The following CNTN4 variants were observed in gnomAD, a reference collection of about 807,000 sequenced individuals.
CNTN4 encodes contactin 4.
CNTN4 carries 77 observed loss-of-function variants against 122.5 expected under a neutral mutation model. The ratio of observed to expected loss-of-function variants is 0.63; its 90% CI spans 0.52 to 0.76. The LOEUF is 0.76. Among genes scored for constraint, CNTN4 ranks in the 30% least tolerant of loss-of-function variants. The probability of loss-of-function intolerance (pLI) is 0.00; values close to 1 mark genes in which losing one functional copy is unlikely to be tolerated. For synonymous variants in CNTN4, 512 were observed against 447.0 expected (o/e 1.15, Z -1.83); for missense variants, 1,256 against 1,259.1 (o/e 1.00, Z 0.04).
intron 4 of CNTN4, among the ~76,000 whole-genome samples, chr3:2,732,394 C>T (rs79926454): frequency 1.2e-4 from 18 of 151,994 alleles, no homozygotes; most frequent in African/African-American, 3.1e-4. Flanking sequence ...AACTCGGAGA[C>T]GCATTGTATT....
intron 4 of CNTN4, among the ~76,000 whole-genome samples, chr3:2,681,539 A>G (rs2085166067): frequency 6.6e-6 from 1 of 152,106 alleles, no homozygotes; most frequent in Non-Finnish European, 1.5e-5. Context: ...TGCCTGAATT[A>G]CGTATCTTTC....
At chr3:2,460,870 A>G (rs2049179058) in intron 3 of CNTN4, among the ~76,000 whole-genome samples, 1 of 147,012 alleles carries the variant, frequency 6.8e-6, no homozygotes, top group Non-Finnish European at 1.5e-5. Flanking sequence ...ATCACTGGAA[A>G]TAGTAGCAGT....
intron 7 of CNTN4, among the ~76,000 whole-genome samples, chr3:2,824,943 G>A (rs556472767): frequency 3.3e-5 from 5 of 152,202 alleles, no homozygotes; most frequent in South Asian, 2.1e-4. Context: ...GATTACAGGC[G>A]TGAGCCACTG....
intron 2 of CNTN4, among the ~76,000 whole-genome samples, chr3:2,179,568 C>T (rs1418321512): frequency 6.6e-6 from 1 of 151,918 alleles, no homozygotes; most frequent in Non-Finnish European, 1.5e-5. Flanking sequence ...TTTTCATGTC[C>T]AACACCGCCA....
chr3:2,141,418 A>G (rs1340965802), intron 2 of CNTN4, among the ~76,000 whole-genome samples: 1 of 152,170 alleles, frequency 6.6e-6, no homozygotes, highest in African/African-American at 2.4e-5. Context: ...GTCCCTAGAA[A>G]CTGGAAAAGC....
intron 2 of CNTN4, among the ~76,000 whole-genome samples, chr3:2,296,248 A>G (rs1043708294): frequency 1.3e-5 from 2 of 152,112 alleles, no homozygotes; most frequent in African/African-American, 4.8e-5. Flanking sequence ...GATGGCGTTG[A>G]ATCTATAAAT....
chr3:3,046,423 G>A (rs555882233), intron 23 of CNTN4, among the ~76,000 whole-genome samples: 25 of 152,278 alleles, frequency 1.6e-4, no homozygotes, highest in African/African-American at 5.1e-4. Flanking sequence ...GACTAATAGC[G>A]GATCTCTTGG....
At chr3:2,921,007 G>A (rs2094424257) in intron 12 of CNTN4, among the ~76,000 whole-genome samples, 1 of 152,146 alleles carries the variant, frequency 6.6e-6, no homozygotes, top group Non-Finnish European at 1.5e-5. Context: ...TGTGTTGAGA[G>A]TCTCCTTGTG....
intron 4 of CNTN4, among the ~76,000 whole-genome samples, chr3:2,653,466 C>G (rs1237838699): frequency 2.0e-5 from 3 of 152,108 alleles, no homozygotes; most frequent in Non-Finnish European, 4.4e-5. Flanking sequence ...AACTGACATT[C>G]AGAAAGGAGA....
intron 3 of CNTN4, among the ~76,000 whole-genome samples, chr3:2,391,470 A>G (rs1040383620): frequency 6.6e-6 from 1 of 152,222 alleles, no homozygotes; most frequent in Non-Finnish European, 1.5e-5. Flanking sequence ...GAAGAATACA[A>G]TGAAGTAGCT....
chr3:2,502,521 A>G (rs2076624063), intron 3 of CNTN4, among the ~76,000 whole-genome samples: 1 of 152,104 alleles, frequency 6.6e-6, no homozygotes, highest in Non-Finnish European at 1.5e-5. Flanking sequence ...TCCTGTCTCT[A>G]TGCCTTCCAT....
intron 14 of CNTN4, among the ~76,000 whole-genome samples, chr3:3,002,214 T>C (rs1020962778): frequency 2.6e-5 from 4 of 152,186 alleles, no homozygotes; most frequent in African/African-American, 9.7e-5. Flanking sequence ...CCAGTGTGTT[T>C]GAATGACAAA....
intron 14 of CNTN4, among the ~76,000 whole-genome samples, chr3:3,002,705 G>A (rs1696173631): frequency 1.3e-5 from 2 of 152,078 alleles, no homozygotes; most frequent in South Asian, 4.2e-4. Context: ...CTGATTTGAT[G>A]AAGAAGAAGT....
At chr3:2,538,541 A>C (rs2077901554) in intron 3 of CNTN4, among the ~76,000 whole-genome samples, 1 of 152,148 alleles carries the variant, frequency 6.6e-6, no homozygotes, top group Non-Finnish European at 1.5e-5. Flanking sequence ...TCACTTTGAT[A>C]TACATTAATA....
At chr3:2,263,736 C>T (rs1523315) in intron 2 of CNTN4, among the ~76,000 whole-genome samples, 83,390 of 151,812 alleles carry the variant, frequency 0.55, 23,306 homozygotes, top group South Asian at 0.67. Flanking sequence ...TTTCTTCTAT[C>T]TGACTATATT....
intron 13 of CNTN4, among the ~76,000 whole-genome samples, chr3:2,939,666 C>T (rs1177822077): frequency 1.3e-5 from 2 of 152,118 alleles, no homozygotes; most frequent in African/African-American, 4.8e-5. Flanking sequence ...GATCACTTAC[C>T]CAAACTGCTA....
chr3:2,599,439 C>T (rs186443645), intron 4 of CNTN4, among the ~76,000 whole-genome samples: 102 of 152,212 alleles, frequency 6.7e-4, no homozygotes, highest in African/African-American at 2.3e-3. Context: ...ATGTGTGGAC[C>T]TTTTATTCTG....
chr3:2,565,655 A>T (rs191265565), intron 3 of CNTN4, among the ~76,000 whole-genome samples: 2 of 152,184 alleles, frequency 1.3e-5, no homozygotes, highest in Non-Finnish European at 2.9e-5. Context: ...CATTTTACCA[A>T]TTGAATCATG....
intron 4 of CNTN4, among the ~76,000 whole-genome samples, chr3:2,590,871 TAAA>T (rs559704619): frequency 6.8e-6 from 1 of 147,708 alleles, no homozygotes; most frequent in African/African-American, 2.5e-5. Context: ...TCTCTTTTAT[TAAA>T]AAAAAAAGCT....
Sources: gnomAD v4.1 joint callset for allele counts (sites outside exome capture counted in the v4.1 genomes callset) on GRCh38, gnomAD v4.1.1 for gene constraint, MANE v1.5 for transcripts, NCBI Gene and HGNC (gene_info 2026-07-23, HGNC 2026-07-21) for gene names.